Variants in LMO7 observed in about 807,000 individuals in gnomAD.
LMO7 encodes LIM domain only protein 7.
LMO7 carries 120 observed loss-of-function variants against 206.5 expected under a neutral mutation model. The observed-to-expected ratio is 0.58, with a 90% confidence interval of 0.50 to 0.68. The LOEUF is 0.68. Among genes scored for constraint, LMO7 ranks in the 30% least tolerant of loss-of-function variants. The probability of loss-of-function intolerance (pLI) is 0.00; values close to 1 mark genes in which losing one functional copy is unlikely to be tolerated. For missense variants in LMO7, 1,959 were observed against 1,957.9 expected (o/e 1.00, Z -0.01); for synonymous variants, 706 against 681.5 (o/e 1.04, Z -0.56).
intron 25 of LMO7, among the ~76,000 whole-genome samples, chr13:75,843,533 C>A (rs1203644271): frequency 6.6e-6 from 1 of 152,114 alleles, no homozygotes; most frequent in African/African-American, 2.4e-5. Context: ...ATAATGGCTT[C>A]ACATTACTCC....
chr13:75,739,972 C>T (rs922735766), intron 3 of LMO7, among the ~76,000 whole-genome samples: 1 of 152,154 alleles, frequency 6.6e-6, no homozygotes, highest in African/African-American at 2.4e-5. Flanking sequence ...AAGCCCACTT[C>T]TCTTTTCTCT....
rs544866248 is a variant in LMO7, at chr13:75,730,120, T to A, written c.210+3022T>A. On this transcript the variant is annotated intron_variant, in intron 3 of 30. Coordinates refer to ENST00000377534, the MANE Select transcript of LMO7 (RefSeq NM_001306080.2). ...TGGTTGTGTCTCTGCCAGGCTTTGG[T>A]ATCAGGATGATGCTGGCCTCATCAA... Among the ~76,000 whole-genome samples, 271 of 152,192 alleles carry A rather than the reference T, an allele frequency of 1.8e-3. 4 individuals carry two copies. In the South Asian group the frequency reaches 0.026, roughly 15 times the overall value.
At position 75,805,687 on chromosome 13, in the gene LMO7, C is replaced by T. The variant is rs376161452; in HGVS notation, c.1123C>T (p.Pro375Ser). 7 of 1,613,766 alleles carry T rather than the reference C, an allele frequency of 4.3e-6. No individual in the cohort carries two copies. The highest frequency in any genetic ancestry group is 1.7e-5 in the Admixed American group (1 of 59,990). Residue 375 changes from proline (P) to serine (S), a missense_variant, in exon 9 of 31, where the codon CCA becomes TCA. Physicochemically the swap from Pro to Ser is moderately conservative, Grantham distance 74 (BLOSUM62 -1). Transcript: ENST00000377534. Reference protein sequence around the residue: ...FDQFLPKCWTPEDVNWKRIKR... With the variant: ...FDQFLPKCWTSEDVNWKRIKR... ...TCAGTTTCTTCCCAAATGTTGGACCCCAGAAGATGTGAACTGGAAAAGAAT... is the reference window on the plus strand; with the variant it reads ...TCAGTTTCTTCCCAAATGTTGGACCTCAGAAGATGTGAACTGGAAAAGAAT...
Position 75,809,192 on chromosome 13 carries a change from T to G in LMO7, c.1946+9T>G. Reference sequence around the variant, plus strand: ...ATTTATGGTGAGAATGGGTAAGTTGTGTGGTTCACAGTAAAAAATCTGTGC... The same window carrying G: ...ATTTATGGTGAGAATGGGTAAGTTGGGTGGTTCACAGTAAAAAATCTGTGC... On this transcript the variant is annotated intron_variant, in intron 11 of 30. Coordinates refer to ENST00000377534, the MANE Select transcript of LMO7 (RefSeq NM_001306080.2). 6.2e-7 allele frequency: 1 copy of G among 1,610,512 alleles called. No homozygotes were observed. The highest frequency in any genetic ancestry group is 2.2e-5 in the East Asian group (1 of 44,794).
At chr13:75,699,257 C>T (rs1056496287) in intron 1 of LMO7, among the ~76,000 whole-genome samples, 4 of 152,194 alleles carry the variant, frequency 2.6e-5, no homozygotes, top group African/African-American at 9.7e-5. Context: ...GAACATATTT[C>T]TGTTCCTGTC....
intron 3 of LMO7, among the ~76,000 whole-genome samples, chr13:75,740,245 T>G (rs1401192427): frequency 2.6e-5 from 4 of 152,112 alleles, no homozygotes; most frequent in Admixed American, 2.6e-4. Context: ...ATCTCTCTAG[T>G]GGTAATAAGC....
intron 4 of LMO7, among the ~76,000 whole-genome samples, chr13:75,790,344 A>T (rs1566465805): frequency 6.6e-6 from 1 of 152,142 alleles, no homozygotes; most frequent in Non-Finnish European, 1.5e-5. Flanking sequence ...AAGCCCAGTG[A>T]GGCTGGTACT....
intron 15 of LMO7, among the ~76,000 whole-genome samples, chr13:75,831,867 A>G (rs532845336): frequency 6.6e-6 from 1 of 152,290 alleles, no homozygotes; most frequent in East Asian, 1.9e-4. Flanking sequence ...GGTGGCGACA[A>G]ATCACATCCA....
chr13:75,742,049 G>A (rs1324214569), intron 3 of LMO7, among the ~76,000 whole-genome samples: 1 of 152,114 alleles, frequency 6.6e-6, no homozygotes, highest in Non-Finnish European at 1.5e-5. Flanking sequence ...CAAAATCAAT[G>A]TACAAAAATC....
chr13:75,710,711 G>A (rs1169470125), intron 1 of LMO7, among the ~76,000 whole-genome samples: 1 of 151,862 alleles, frequency 6.6e-6, no homozygotes, highest in Non-Finnish European at 1.5e-5. Flanking sequence ...GAGATGATGG[G>A]GTTTTCTAGA....
intron 1 of LMO7, among the ~76,000 whole-genome samples, chr13:75,672,848 G>A (rs1240851186): frequency 1.3e-5 from 2 of 152,096 alleles, no homozygotes; most frequent in African/African-American, 4.8e-5. Flanking sequence ...TGTTAACTAT[G>A]TTCTCTTCCC....
At chr13:75,834,476 T>A in intron 17 of LMO7, 89 bp downstream of exon 17, 2 of 1,016,082 alleles carry the variant, frequency 2.0e-6, no homozygotes, top group Non-Finnish European at 1.4e-6. Flanking sequence ...AATAACTTTT[T>A]ATTTTTTCAC....
At chr13:75,782,356 A>G (rs150106394) in intron 4 of LMO7, among the ~76,000 whole-genome samples, 2 of 152,280 alleles carry the variant, frequency 1.3e-5, no homozygotes, top group East Asian at 1.9e-4. Flanking sequence ...GGTCAGATCA[A>G]CTGGGGCTTG....
chr13:75,757,070 C>T (rs774626307), intron 3 of LMO7, among the ~76,000 whole-genome samples: 39 of 152,162 alleles, frequency 2.6e-4, no homozygotes, highest in African/African-American at 9.2e-4. Flanking sequence ...TGGAATGTGA[C>T]TTCAAAAGCT....
chr13:75,779,702 T>C (rs927891226), intron 4 of LMO7, among the ~76,000 whole-genome samples: 4 of 152,188 alleles, frequency 2.6e-5, no homozygotes, highest in Admixed American at 1.3e-4. Context: ...GCTATGTAAA[T>C]GGAAAAATTG....
chr13:75,856,154 C>T (rs2060919506), intron 29 of LMO7, among the ~76,000 whole-genome samples: 2 of 152,124 alleles, frequency 1.3e-5, no homozygotes, highest in African/African-American at 4.8e-5. Flanking sequence ...GTGCCAGGGC[C>T]CAGCCTTCAT....
chr13:75,762,965 T>G (rs1303740166), intron 4 of LMO7, among the ~76,000 whole-genome samples: 1 of 152,178 alleles, frequency 6.6e-6, no homozygotes, highest in African/African-American at 2.4e-5. Flanking sequence ...GAGATAGCAC[T>G]TTTAGTAAAG....
chr13:75,706,754 T>C (rs1315528778), intron 1 of LMO7, among the ~76,000 whole-genome samples: 3 of 152,166 alleles, frequency 2.0e-5, no homozygotes, highest in African/African-American at 7.2e-5. Context: ...TAAAATACCC[T>C]AATTTTAAAA....
intron 18 of LMO7, 62 bp from the exon 19 acceptor site, chr13:75,836,335 G>A: frequency 1.2e-6 from 1 of 813,384 alleles, no homozygotes; most frequent in South Asian, 1.6e-5. Context: ...AATGCGAAAT[G>A]CATTATTTAA....
Sources: gnomAD v4.1 joint callset for allele counts (sites outside exome capture counted in the v4.1 genomes callset) on GRCh38, gnomAD v4.1.1 for gene constraint, MANE v1.5 for transcripts, NCBI Gene and HGNC (gene_info 2026-07-23, HGNC 2026-07-21) for gene names.